The following AGAP1 variants were observed in gnomAD, a reference collection of about 807,000 sequenced individuals.
The protein encoded by AGAP1 is ArfGAP with GTPase domain, ankyrin repeat and PH domain 1, also known as arf-GAP with GTPase, ANK repeat and PH domain-containing protein 1.
Under a neutral mutation model 105.3 loss-of-function variants are expected in AGAP1, and 29 were observed. The ratio of observed to expected loss-of-function variants is 0.28; its 90% CI spans 0.21 to 0.38. The LOEUF (loss-of-function observed/expected upper bound fraction) is 0.38. Among genes scored for constraint, AGAP1 ranks in the 10% least tolerant of loss-of-function variants. AGAP1 has a pLI of 1.00. For missense variants in AGAP1, 998 were observed against 1,165.1 expected, an observed-to-expected ratio of 0.86 and a Z score of 2.09; for synonymous variants, 509 against 485.9, an observed-to-expected ratio of 1.05 and a Z score of -0.63.
chr2:235,643,323 C>T (rs555732663), intron 1 of AGAP1, among the ~76,000 whole-genome samples: 1 of 149,614 alleles, frequency 6.7e-6, no homozygotes, highest in Non-Finnish European at 1.5e-5. Flanking sequence ...CCCAGCTCCT[C>T]GGGAGACTGA....
intron 13 of AGAP1, among the ~76,000 whole-genome samples, chr2:236,024,273 G>T (rs2056982517): frequency 6.6e-6 from 1 of 152,004 alleles, no homozygotes. Context: ...TTGAGCTCAG[G>T]CAATCCACCC....
intron 9 of AGAP1, among the ~76,000 whole-genome samples, chr2:235,860,231 A>G (rs1293915982): frequency 2.0e-5 from 3 of 152,246 alleles, no homozygotes; most frequent in African/African-American, 4.8e-5. Flanking sequence ...ATATAACTTT[A>G]TCTCTGAGCA....
intron 1 of AGAP1, among the ~76,000 whole-genome samples, chr2:235,498,196 G>C (rs999661660): frequency 6.6e-6 from 1 of 152,180 alleles, no homozygotes; most frequent in Non-Finnish European, 1.5e-5. Context: ...CTGTTTGTAG[G>C]CATGGGATAC....
At chr2:235,939,239 T>G (rs748060201) in intron 12 of AGAP1, among the ~76,000 whole-genome samples, 2 of 152,106 alleles carry the variant, frequency 1.3e-5, no homozygotes, top group South Asian at 2.1e-4. Flanking sequence ...CTGAAGGCCC[T>G]CTGCATCCTT....
intron 9 of AGAP1, among the ~76,000 whole-genome samples, chr2:235,833,855 GTTTT>G (rs77488721): frequency 8.0e-6 from 1 of 124,924 alleles, no homozygotes; most frequent in South Asian, 2.5e-4. Context: ...CTCCAATCTG[GTTTT>G]TTTTTTTTTT....
At chr2:235,941,381 G>A (rs2053250300) in intron 12 of AGAP1, among the ~76,000 whole-genome samples, 1 of 152,198 alleles carries the variant, frequency 6.6e-6, no homozygotes, top group Admixed American at 6.5e-5. Flanking sequence ...ACCACTTACT[G>A]TGGCCACCCA....
At chr2:235,616,137 C>T (rs1377643762) in intron 1 of AGAP1, among the ~76,000 whole-genome samples, 2 of 151,672 alleles carry the variant, frequency 1.3e-5, no homozygotes, top group Non-Finnish European at 2.9e-5. Context: ...TAGAGGCAGG[C>T]ATATCACAAG....
chr2:235,723,369 A>G lies in AGAP1; in HGVS notation c.310+5725A>G, dbSNP rs766783164. Among the ~76,000 whole-genome samples, 32 of 152,316 alleles carry G rather than the reference A, an allele frequency of 2.1e-4. No individual in the cohort carries two copies. Among genetic ancestry groups the G allele is most frequent in the Middle Eastern group, 3.4e-3 (1 of 294 alleles). ...CTCAGCTTTTAACTCTCCTTTCAAAAGAGAAAAAGTCAAAGGAAACAAAGC... is the reference window on the plus strand; with the variant it reads ...CTCAGCTTTTAACTCTCCTTTCAAAGGAGAAAAAGTCAAAGGAAACAAAGC... On this transcript the variant is annotated intron_variant, in intron 3 of 17. Coordinates refer to ENST00000304032, the MANE Select transcript of AGAP1 (RefSeq NM_001037131.3). The surrounding 1 kb of genome is among the most constrained non-coding windows in gnomAD (Gnocchi z 6.2).
intron 1 of AGAP1, among the ~76,000 whole-genome samples, chr2:235,674,161 C>G (rs1428988593): frequency 6.6e-6 from 1 of 152,198 alleles, no homozygotes; most frequent in Non-Finnish European, 1.5e-5. Context: ...GTTCTTCCCT[C>G]TAATGCAGAA....
chr2:235,501,342 T>C (rs1419363384), intron 1 of AGAP1, among the ~76,000 whole-genome samples: 2 of 152,236 alleles, frequency 1.3e-5, no homozygotes, highest in African/African-American at 4.8e-5. Flanking sequence ...CTTTTTAATG[T>C]AGTCTTATGT....
intron 13 of AGAP1, among the ~76,000 whole-genome samples, chr2:236,025,038 AG>A (rs2057007898): frequency 6.6e-6 from 1 of 152,212 alleles, no homozygotes; most frequent in Non-Finnish European, 1.5e-5. Context: ...TTGATTTTTC[AG>A]GAACAGGGGG....
chr2:235,842,112 C>CGAG lies in AGAP1; in HGVS notation c.1050+34781_1050+34782insGAG, dbSNP rs1960928783. On this transcript the variant is annotated intron_variant, in intron 9 of 17. Coordinates refer to ENST00000304032, the MANE Select transcript of AGAP1 (RefSeq NM_001037131.3). The surrounding 1 kb of genome is among the most constrained non-coding windows in gnomAD (Gnocchi z 5.3). ...AGCCCAGGCTCACTCCATGGCTGCCCCTCTCCCCAGCCTGCTGGCGTTGGG... is the reference window on the plus strand; with the variant it reads ...AGCCCAGGCTCACTCCATGGCTGCCCGAGCTCTCCCCAGCCTGCTGGCGTTGGG... 6.6e-6 allele frequency among the ~76,000 whole-genome samples: 1 copy of CGAG among 152,172 alleles called. No homozygotes were observed. Among genetic ancestry groups the CGAG allele is most frequent in the Non-Finnish European group, 1.5e-5 (1 of 68,032 alleles).
At chr2:236,099,561 A>C (rs989406450) in intron 16 of AGAP1, among the ~76,000 whole-genome samples, 4 of 152,216 alleles carry the variant, frequency 2.6e-5, no homozygotes, top group African/African-American at 9.6e-5. Context: ...AGGACATTTT[A>C]TCATAGGGAG....
At chr2:235,925,116 A>G (rs1441646988) in intron 11 of AGAP1, among the ~76,000 whole-genome samples, 4 of 152,170 alleles carry the variant, frequency 2.6e-5, no homozygotes, top group Admixed American at 2.6e-4. Context: ...ATCCCCGAGT[A>G]TAAGTGTACC....
At chr2:235,613,091 G>A (rs145386933) in intron 1 of AGAP1, among the ~76,000 whole-genome samples, 11 of 150,042 alleles carry the variant, frequency 7.3e-5, no homozygotes, top group African/African-American at 7.4e-5. Context: ...GCAGTGGTAC[G>A]ATCTCGGCTC....
rs182018649 is a variant in AGAP1 at position 235,992,697 on chromosome 2, A to C, written c.1645+24074A>C. On this transcript the variant is annotated intron_variant, in intron 13 of 17. Coordinates refer to ENST00000304032, the MANE Select transcript of AGAP1 (RefSeq NM_001037131.3). The surrounding 1 kb of genome is among the most constrained non-coding windows in gnomAD (Gnocchi z 4.8). ...ACCACATTTTTAAGGTGACTCTTCA[A>C]CTCACCAAGAATATCGTGGCCGCTG... 1.3e-5 allele frequency among the ~76,000 whole-genome samples: 2 copies of C among 152,192 alleles called. No individual in the cohort carries two copies. Among genetic ancestry groups the C allele is most frequent in the African/African-American group, 2.4e-5 (1 of 41,450 alleles).
rs891131326 is a variant in AGAP1 at position 235,906,776 on chromosome 2, C to T, written c.1156-1962C>T. 6.6e-6 allele frequency among the ~76,000 whole-genome samples: 1 copy of T among 152,194 alleles called. No individual in the cohort carries two copies. The highest frequency in any genetic ancestry group is 1.5e-5 in the Non-Finnish European group (1 of 68,042). On this transcript the variant is annotated intron_variant, in intron 10 of 17. Transcript: ENST00000304032. This position sits in a 1 kb window ranked among gnomAD's most constrained non-coding sequence, Gnocchi z 5.3. ...CTTTCCCCTGAACTGGAATTGTGTA[C>T]TTTGTGGCTTTTGTTGTGCCTTTTC...
intron 6 of AGAP1, among the ~76,000 whole-genome samples, chr2:235,776,293 A>G (rs1351035176): frequency 6.6e-6 from 1 of 152,062 alleles, no homozygotes; most frequent in African/African-American, 2.4e-5. Context: ...CTCCTCCCTC[A>G]GCCTCTCTCC....
chr2:235,843,416 G>A lies in AGAP1; in HGVS notation c.1050+36085G>A, dbSNP rs1961094731. Among the ~76,000 whole-genome samples, 1 of 152,014 alleles carries A rather than the reference G, an allele frequency of 6.6e-6. No homozygotes were observed. On this transcript the variant is annotated intron_variant, in intron 9 of 17. Transcript: ENST00000304032. The surrounding 1 kb of genome is among the most constrained non-coding windows in gnomAD (Gnocchi z 5.9). ...TCGGTGTCTGCTTATTGCATGGCACGGTCTGGTTGGGCCCCACTTTCTTCC... is the reference window on the plus strand; with the variant it reads ...TCGGTGTCTGCTTATTGCATGGCACAGTCTGGTTGGGCCCCACTTTCTTCC...
Sources: allele counts gnomAD v4.1 joint callset (sites outside exome capture counted in the v4.1 genomes callset), GRCh38; gene constraint gnomAD v4.1.1; non-coding constraint Gnocchi (gnomAD v3.1); transcripts MANE v1.5; gene names NCBI Gene and HGNC (gene_info 2026-07-23, HGNC 2026-07-21).